Variants in MEX3D observed in about 807,000 individuals in gnomAD.
MEX3D encodes the protein mex-3 RNA binding family member D, also known as RNA-binding protein MEX3D.
Under a neutral mutation model 6.3 loss-of-function variants are expected in MEX3D, and 4 were observed. The ratio of observed to expected loss-of-function variants is 0.64; its 90% confidence interval spans 0.31 to 1.46. The LOEUF is 1.46. MEX3D is among the 40% of genes most tolerant of loss of function. MEX3D has a pLI of 0.07. For synonymous variants in MEX3D, 626 were observed against 494.1 expected (o/e 1.27, Z -3.54); for missense variants, 1,038 against 994.4 (o/e 1.04, Z -0.59).
At chr19:1,567,000 G>C (rs1397651638) in intron 1 of MEX3D, among the ~76,000 whole-genome samples, 1 of 152,132 alleles carries the variant, frequency 6.6e-6, no homozygotes, top group Non-Finnish European at 1.5e-5. Context: ...ACTGAGACGT[G>C]CGCTCTTTGT....
chr19:1,565,041 C>T (rs535119371), intron 1 of MEX3D, among the ~76,000 whole-genome samples: 9 of 152,210 alleles, frequency 5.9e-5, no homozygotes, highest in Admixed American at 4.6e-4. Flanking sequence ...TCCCTGGCAA[C>T]GCGCACTCCA....
At position 1,567,328 on chromosome 19, in the gene MEX3D, C is replaced by G. The variant is rs1489493326; in HGVS notation, c.595+136G>C. ...AGGACAAAGGCGCAAAGGCAGCGGC[C>G]GAGGCCGGAGCCCACGCGGGGCGTG... On this transcript the variant is annotated intron_variant, in intron 1 of 1. Transcript: ENST00000402693. The surrounding 1 kb of genome is among the most constrained non-coding windows in gnomAD (Gnocchi z 6.5). 8 of 1,051,278 alleles carry G rather than the reference C, an allele frequency of 7.6e-6. No homozygotes were observed. Among genetic ancestry groups the G allele is most frequent in the Non-Finnish European group, 1.0e-5 (8 of 802,178 alleles). The allele number at this position is 1,051,278 out of a possible 1,614,324, so 65.1% of individuals were successfully genotyped here.
Position 1,556,210 on chromosome 19 carries a change from CCG to C in MEX3D, c.1307_1308del (p.Ala436GlyfsTer41). Reference sequence around the variant, plus strand: ...GTCCCCACCGGGGCACCGGGACCCTCCGCGCCGAAGGCGAAGCCCCCGTTGCC... The same window carrying C: ...GTCCCCACCGGGGCACCGGGACCCTCCGCCGAAGGCGAAGCCCCCGTTGCC... The part of the protein sequence containing the change: ...GSGNGGFAFG[A>X]EGPGAPVGTA... On this transcript the variant is annotated frameshift_variant, in exon 2 of 2. Coordinates refer to ENST00000402693, the MANE Select transcript of MEX3D (RefSeq NM_203304.4). LOFTEE classifies it low-confidence loss of function (END_TRUNC). The surrounding 1 kb of genome is among the most constrained non-coding windows in gnomAD (Gnocchi z 7.5). The C allele has an allele frequency of 7.0e-7, 1 of 1,432,884 alleles. No homozygotes were observed. The highest frequency in any genetic ancestry group is 9.1e-7 in the Non-Finnish European group (1 of 1,093,842). The allele number at this position is 1,432,884 out of a possible 1,614,324, so 88.8% of individuals were successfully genotyped here. A position where few individuals can be genotyped will look rare whatever the true frequency, so the allele number is the denominator to read the frequency against.
Position 1,555,974 on chromosome 19 carries a change from G to A in MEX3D, c.1545C>T (p.Pro515=). ...SSGAGTPRHS[P]TLPEPGGLRL... ...GGAGGCCGCCGGGCTCGGGCAGCGTGGGCGAGTGGCGGGGGGTCCCGGCCC... is the reference window on the plus strand; with the variant it reads ...GGAGGCCGCCGGGCTCGGGCAGCGTAGGCGAGTGGCGGGGGGTCCCGGCCC... Residue 515 remains proline, a synonymous_variant, in exon 2 of 2, where the codon CCC becomes CCT. Transcript: ENST00000402693. The A allele has an allele frequency of 6.0e-6, 7 of 1,172,644 alleles. No individual in the cohort carries two copies. Among genetic ancestry groups the A allele is most frequent in the Non-Finnish European group, 6.3e-6 (6 of 949,556 alleles). 72.6% of individuals were successfully genotyped at this position (1,172,644 alleles called of 1,614,324 possible).
At chr19:1,559,810 T>C (rs1227260505) in intron 1 of MEX3D, among the ~76,000 whole-genome samples, 1 of 151,990 alleles carries the variant, frequency 6.6e-6, no homozygotes, top group Admixed American at 6.5e-5. Context: ...AGGGGCTCGG[T>C]AGGGAGGACC....
intron 1 of MEX3D, among the ~76,000 whole-genome samples, chr19:1,566,034 T>A (rs536178106): frequency 6.6e-6 from 1 of 152,292 alleles, no homozygotes; most frequent in South Asian, 2.1e-4. Flanking sequence ...TGGACGCCTG[T>A]CTCCACAGGC....
chr19:1,558,829 T>C (rs1224100673), intron 1 of MEX3D, among the ~76,000 whole-genome samples: 1 of 152,174 alleles, frequency 6.6e-6, no homozygotes, highest in African/African-American at 2.4e-5. Context: ...GCTTTGTTCT[T>C]GTTGGCTGGG....
At position 1,555,996 on chromosome 19, in the gene MEX3D, G is replaced by A; in HGVS notation, c.1523C>T (p.Ala508Val). The A allele has an allele frequency of 1.7e-6, 2 of 1,204,754 alleles. No individual in the cohort carries two copies. The highest frequency in any genetic ancestry group is 5.2e-5 in the South Asian group (2 of 38,742). The allele number at this position is 1,204,754 out of a possible 1,614,324, so 74.6% of individuals were successfully genotyped here. Residue 508 changes from alanine to valine, a missense_variant, in exon 2 of 2, where the codon GCC (alanine) becomes GTC (valine). Physicochemically the swap from Ala to Val is moderately conservative, Grantham distance 64. Around this residue, in one of 5 missense-constraint regions of MEX3D, gnomAD observed 581 missense variants for 516.2 expected, o/e 1.13. Coordinates refer to ENST00000402693, the MANE Select transcript of MEX3D (RefSeq NM_203304.4). ...PAAGARRSSG[A>V]GTPRHSPTLP... Reference sequence around the variant, plus strand: ...CGTGGGCGAGTGGCGGGGGGTCCCGGCCCCACTGCTGCGCCGGGCGCCGGC... The same window carrying A: ...CGTGGGCGAGTGGCGGGGGGTCCCGACCCCACTGCTGCGCCGGGCGCCGGC...
At chr19:1,559,604 G>C (rs1170206632) in intron 1 of MEX3D, among the ~76,000 whole-genome samples, 1 of 152,212 alleles carries the variant, frequency 6.6e-6, no homozygotes, top group African/African-American at 2.4e-5. Flanking sequence ...AACCCCTCAG[G>C]CTCTGGGGAA....
chr19:1,559,165 CTT>C (rs1280872926), intron 1 of MEX3D, among the ~76,000 whole-genome samples: 4 of 152,048 alleles, frequency 2.6e-5, no homozygotes, highest in African/African-American at 4.8e-5. Context: ...GAGTTTTGCT[CTT>C]GTTGCCCAGG....
chr19:1,564,302 G>A (rs1914787279), intron 1 of MEX3D, among the ~76,000 whole-genome samples: 1 of 150,778 alleles, frequency 6.6e-6, no homozygotes, highest in Non-Finnish European at 1.5e-5. Context: ...GGAGGCTGAG[G>A]TGGGTGGATC....
chr19:1,564,582 AG>A (rs2145576564), intron 1 of MEX3D, among the ~76,000 whole-genome samples: 1 of 151,612 alleles, frequency 6.6e-6, no homozygotes, highest in East Asian at 1.9e-4. Context: ...TGGAGCCTCC[AG>A]CAGATGGGTG....
At chr19:1,562,138 G>GT (rs1431853186) in intron 1 of MEX3D, among the ~76,000 whole-genome samples, 1 of 151,810 alleles carries the variant, frequency 6.6e-6, no homozygotes, top group Non-Finnish European at 1.5e-5. Flanking sequence ...GTGGGCGCCT[G>GT]TAGTCCCAGC....
intron 1 of MEX3D, among the ~76,000 whole-genome samples, chr19:1,564,539 A>G (rs1914793455): frequency 6.6e-6 from 1 of 151,938 alleles, no homozygotes; most frequent in African/African-American, 2.4e-5. Flanking sequence ...TCCCAAAAAA[A>G]AAAAAAAAAA....
At chr19:1,562,291 C>G (rs1352277369) in intron 1 of MEX3D, among the ~76,000 whole-genome samples, 1 of 137,046 alleles carries the variant, frequency 7.3e-6, no homozygotes, top group Admixed American at 7.5e-5. Flanking sequence ...CAGGTGTGGA[C>G]CGGGCACAGT....
At chr19:1,563,905 T>G (rs1453939554) in intron 1 of MEX3D, among the ~76,000 whole-genome samples, 2 of 151,906 alleles carry the variant, frequency 1.3e-5, no homozygotes, top group Non-Finnish European at 2.9e-5. Context: ...CCGCCCAGGC[T>G]CAAGTAATCC....
Position 1,555,988 on chromosome 19 carries a change from G to C in MEX3D, c.1531C>G (p.Pro511Ala). 8.5e-7 allele frequency: 1 copy of C among 1,178,594 alleles called. No individual in the cohort carries two copies. The highest frequency in any genetic ancestry group is 1.0e-6 in the Non-Finnish European group (1 of 952,510). 73.0% of individuals were successfully genotyped at this position (1,178,594 alleles called of 1,614,324 possible). Residue 511 changes from proline to alanine, a missense_variant, in exon 2 of 2, where the codon CCC (proline) becomes GCC (alanine). By Grantham distance (27) the Pro-to-Ala change is conservative. Coordinates refer to ENST00000402693, the MANE Select transcript of MEX3D (RefSeq NM_203304.4). ...GARRSSGAGT[P>A]RHSPTLPEPG... Reference sequence around the variant, plus strand: ...TCGGGCAGCGTGGGCGAGTGGCGGGGGGTCCCGGCCCCACTGCTGCGCCGG... The same window carrying C: ...TCGGGCAGCGTGGGCGAGTGGCGGGCGGTCCCGGCCCCACTGCTGCGCCGG...
chr19:1,556,616 C>T lies in MEX3D; in HGVS notation c.903G>A (p.Gln301=), dbSNP rs369794251. 7 of 1,610,444 alleles carry T rather than the reference C, an allele frequency of 4.3e-6. No homozygotes were observed. Among genetic ancestry groups the T allele is most frequent in the Non-Finnish European group, 5.1e-6 (6 of 1,179,210 alleles). The change falls in exon 2 of 2, where the codon CAG becomes CAA. Residue 301 remains glutamine, a synonymous_variant. Coordinates refer to ENST00000402693, the MANE Select transcript of MEX3D (RefSeq NM_203304.4). The surrounding 1 kb of genome is among the most constrained non-coding windows in gnomAD (Gnocchi z 7.5). ...GCGTCACGATGTAGGTGTGCGTCCG[C>T]TGCTGGATGCGCTTGATGGTGGCGC... is the stretch of plus-strand genomic sequence containing the variant. ...PKGATIKRIQ[Q]RTHTYIVTPG...
chr19:1,566,020 G>T (rs917904791), intron 1 of MEX3D, among the ~76,000 whole-genome samples: 1 of 152,210 alleles, frequency 6.6e-6, no homozygotes, highest in East Asian at 1.9e-4. Context: ...CCCAGGCCTC[G>T]GCTTGGACGC....
Sources: gnomAD v4.1 joint callset for allele counts (sites outside exome capture counted in the v4.1 genomes callset) on GRCh38, gnomAD v4.1.1 for gene constraint, gnomAD v4.1.1 regional missense constraint, Gnocchi (gnomAD v3.1) non-coding constraint, MANE v1.5 for transcripts, NCBI Gene and HGNC (gene_info 2026-07-23, HGNC 2026-07-21) for gene names.